Variants in UBR3 observed in about 807,000 individuals in gnomAD.
UBR3 encodes E3 ubiquitin-protein ligase UBR3.
A neutral mutation model predicts 243.2 loss-of-function variants in UBR3; 85 were observed. That is an observed-to-expected ratio of 0.35 (90% CI 0.29 to 0.42). The LOEUF is 0.42. UBR3 is among the 10% of genes least tolerant of loss of function. The probability of loss-of-function intolerance (pLI) is 1.00; values close to 1 mark genes in which losing one functional copy is unlikely to be tolerated. For synonymous variants in UBR3, 748 were observed against 799.8 expected (o/e 0.94, Z 1.09); for missense variants, 1,686 against 2,300.8 (o/e 0.73, Z 5.47).
intron 11 of UBR3, among the ~76,000 whole-genome samples, chr2:169,923,558 T>A (rs1482478661): frequency 6.6e-6 from 1 of 152,178 alleles, no homozygotes; most frequent in Non-Finnish European, 1.5e-5. Flanking sequence ...GTCATGATGT[T>A]TGGTATACAT....
intron 32 of UBR3, among the ~76,000 whole-genome samples, chr2:170,051,396 T>C (rs986724286): frequency 6.6e-6 from 1 of 152,176 alleles, no homozygotes; most frequent in Non-Finnish European, 1.5e-5. Flanking sequence ...CAGGCTGGAG[T>C]GCAATGGCAC....
In UBR3 at chr2:169,854,493, A is replaced by G. The variant is rs190740388; in HGVS notation, c.546-17743A>G. ...TTTTTTTGTCATTGAGAAAGTGGGA[A>G]GTGATTACTTGGATTTATTTAGAAT... On this transcript the variant is annotated intron_variant, in intron 1 of 38. Coordinates refer to ENST00000272793, the MANE Select transcript of UBR3 (RefSeq NM_172070.4). 1.9e-3 allele frequency among the ~76,000 whole-genome samples: 287 copies of G among 152,326 alleles called. 1 individual carries two copies. Among genetic ancestry groups the G allele is most frequent in the Non-Finnish European group, 3.3e-3 (224 of 68,026 alleles).
At chr2:170,049,049 G>A (rs2091156372) in intron 32 of UBR3, among the ~76,000 whole-genome samples, 1 of 152,088 alleles carries the variant, frequency 6.6e-6, no homozygotes, top group Non-Finnish European at 1.5e-5. Flanking sequence ...GAGGCTAAGG[G>A]TGTGGTCCCC....
intron 10 of UBR3, among the ~76,000 whole-genome samples, chr2:169,912,382 T>C (rs2085287403): frequency 6.6e-6 from 1 of 152,152 alleles, no homozygotes; most frequent in African/African-American, 2.4e-5. Context: ...TCCCCTCATC[T>C]CTTGGAAACC....
intron 25 of UBR3, among the ~76,000 whole-genome samples, chr2:169,987,467 T>C (rs1021389052): frequency 1.1e-4 from 16 of 150,698 alleles, no homozygotes; most frequent in African/African-American, 3.6e-4. Context: ...CCCATAAATA[T>C]TGTCAGTTTT....
chr2:169,883,130 C>T (rs1882375), intron 5 of UBR3, among the ~76,000 whole-genome samples: 64,402 of 152,056 alleles, frequency 0.42, 15,246 homozygotes, highest in Non-Finnish European at 0.54. Context: ...AGAATGGCAT[C>T]TGGGCAGTTC....
chr2:169,827,683 T>C lies in UBR3; in HGVS notation c.176T>C (p.Leu59Pro). Residue 59 changes from leucine to proline, a missense_variant, in exon 1 of 39, where the codon CTG (leucine) becomes CCG (proline). By Grantham distance (98) the Leu-to-Pro change is moderately conservative. This residue lies in a region of UBR3 where 145 missense variants were observed against 243.8 expected (regional missense o/e 0.59). Transcript: ENST00000272793. ...CTGCAGGCGCTGCTGGAGCGGGTGC[T>C]GAGCGCCGAGCGGCCGCTGGCCGCG... is the stretch of plus-strand genomic sequence containing the variant. ...EELQALLERV[L>P]SAERPLAAAA... The C allele has an allele frequency of 8.3e-7, 1 of 1,211,914 alleles. No homozygotes were observed. Among genetic ancestry groups the C allele is most frequent in the Non-Finnish European group, 1.0e-6 (1 of 978,724 alleles). The allele number at this position is 1,211,914 out of a possible 1,614,324, so 75.1% of individuals were successfully genotyped here. A position where few individuals can be genotyped will look rare whatever the true frequency, so the allele number is the denominator to read the frequency against.
intron 24 of UBR3, among the ~76,000 whole-genome samples, chr2:169,970,235 GTTTTTTTT>G (rs531832498): frequency 1.2e-5 from 1 of 85,594 alleles, no homozygotes; most frequent in African/African-American, 4.8e-5. Context: ...TTGTTCCTAG[GTTTTTTTT>G]TTTTTTTTTT....
intron 1 of UBR3, among the ~76,000 whole-genome samples, chr2:169,844,036 C>T (rs2162511): frequency 0.21 from 22,485 of 109,020 alleles, 1,893 homozygotes; most frequent in Admixed American, 0.32. Context: ...GACTGAGTTT[C>T]GCTCTTTTTG....
At chr2:169,993,398 A>G (rs73017679) in intron 25 of UBR3, among the ~76,000 whole-genome samples, 14,529 of 152,200 alleles carry the variant, frequency 0.095, 838 homozygotes, top group African/African-American at 0.16. Context: ...TTGATCCACA[A>G]TCGAATAAAA....
At chr2:169,836,067 A>ATATATATATATT (rs1558999159) in intron 1 of UBR3, among the ~76,000 whole-genome samples, 1 of 32,666 alleles carries the variant, frequency 3.1e-5, no homozygotes, top group Admixed American at 7.2e-4. Context: ...ATATATATAT[A>ATATATATATATT]TTTTTTTTTT....
chr2:169,905,321 T>TG (rs1292087269), intron 9 of UBR3, 28 bp downstream of exon 9: 2 of 1,435,016 alleles, frequency 1.4e-6, no homozygotes, highest in Non-Finnish European at 1.8e-6. Context: ...TTGTTAATTT[T>TG]TTGGTTTACA....
chr2:170,006,888 C>A, intron 27 of UBR3, 102 bp from the exon 28 acceptor site: 1 of 994,156 alleles, frequency 1.0e-6, no homozygotes, highest in Non-Finnish European at 1.5e-6. Context: ...TTAGAGATGT[C>A]TTTTTTCTAT....
chr2:170,080,266 G>A, intron 37 of UBR3: 1 of 570,234 alleles, frequency 1.8e-6, no homozygotes, highest in Non-Finnish European at 3.0e-6. Flanking sequence ...TTAATGGTAT[G>A]TACTTTGGAA....
intron 32 of UBR3, among the ~76,000 whole-genome samples, chr2:170,053,426 C>T (rs1404010157): frequency 2.0e-5 from 3 of 152,216 alleles, no homozygotes. Flanking sequence ...TTTAGCACAT[C>T]CTGTGTGGTT....
rs570539229 is a variant in UBR3 at position 170,012,646 on chromosome 2, T to C, written c.4368-2635T>C. ...AAGTTGAATTGCCTCTTGTATAATA[T>C]AGGCTGTGGTATGGATGAAGATACT... On this transcript the variant is annotated intron_variant, in intron 29 of 38. Transcript: ENST00000272793. 2.0e-5 allele frequency among the ~76,000 whole-genome samples: 3 copies of C among 150,708 alleles called. No individual in the cohort carries two copies. The South Asian group carries it at 6.3e-4, about 32-fold the overall frequency.
chr2:169,908,433 C>T (rs1411821473), intron 10 of UBR3, among the ~76,000 whole-genome samples: 3 of 152,078 alleles, frequency 2.0e-5, no homozygotes, highest in Admixed American at 6.6e-5. Context: ...GTTTAATTTC[C>T]ACTGTAGCAT....
At chr2:170,066,617 T>G (rs1392711369) in intron 35 of UBR3, among the ~76,000 whole-genome samples, 1 of 152,220 alleles carries the variant, frequency 6.6e-6, no homozygotes, top group African/African-American at 2.4e-5. Context: ...TAGCATTTAC[T>G]ACACATTGAC....
At position 169,890,585 on chromosome 2, in the gene UBR3, A is replaced by ATATATGTG. The variant is rs1553504600; in HGVS notation, c.1039-575_1039-574insGTGTATAT. On this transcript the variant is annotated intron_variant, in intron 5 of 38. Transcript: ENST00000272793. ...TATATGTGTATATATATATATGTAT[A>ATATATGTG]TATATATGTATATATATGTATATAT... Among the ~76,000 whole-genome samples, 48 of 107,390 alleles carry ATATATGTG rather than the reference A, an allele frequency of 4.5e-4. 1 individual carries two copies. The highest frequency in any genetic ancestry group is 2.0e-3 in the South Asian group (6 of 3,052). 70.5% of individuals were successfully genotyped at this position (107,390 alleles called of 152,430 possible).
Sources: allele counts gnomAD v4.1 joint callset (sites outside exome capture counted in the v4.1 genomes callset), GRCh38; gene constraint gnomAD v4.1.1; regional missense constraint gnomAD v4.1.1; transcripts MANE v1.5; gene names NCBI Gene and HGNC (gene_info 2026-07-23, HGNC 2026-07-21).